The following ABCC3 variants were observed in gnomAD, a reference collection of about 807,000 sequenced individuals.
ABCC3 encodes ATP binding cassette subfamily C member 3, also known as ATP-binding cassette sub-family C member 3.
Under a neutral mutation model 165.3 loss-of-function variants are expected in ABCC3, and 121 were observed. That is an observed-to-expected ratio of 0.73 (90% CI 0.63 to 0.85). The LOEUF (loss-of-function observed/expected upper bound fraction) is 0.85. ABCC3 is among the 40% of genes least tolerant of loss of function. ABCC3 has a pLI of 0.00. For synonymous variants in ABCC3, 733 were observed against 810.1 expected (o/e 0.90, Z 1.62); for missense variants, 1,869 against 1,964.1 (o/e 0.95, Z 0.92).
chr17:50,664,486 C>T (rs868403213), intron 10 of ABCC3: 4 of 243,626 alleles, frequency 1.6e-5, no homozygotes, highest in South Asian at 1.1e-4. Flanking sequence ...GGGTGGATCA[C>T]GAGGTCAGGA....
At chr17:50,691,017 C>T (rs1968113823) in intron 30 of ABCC3, 75 bp from the exon 31 acceptor site, 1 of 1,198,718 alleles carries the variant, frequency 8.3e-7, no homozygotes, top group South Asian at 1.3e-5. Flanking sequence ...AGCAAGTACC[C>T]AGAAGAGCAG....
intron 8 of ABCC3, chr17:50,663,015 G>A: frequency 6.5e-6 from 1 of 153,286 alleles, no homozygotes; most frequent in Non-Finnish European, 1.5e-5. Flanking sequence ...GGCAGGGGCA[G>A]CCTCCGACAG....
chr17:50,676,704 G>C, intron 23 of ABCC3, 116 bp downstream of exon 23: 1 of 1,020,254 alleles, frequency 9.8e-7, no homozygotes, highest in Non-Finnish European at 1.4e-6. Flanking sequence ...AGTTTTGTTA[G>C]GGGCAGTCGT....
At chr17:50,637,062 C>T (rs978793728) in intron 1 of ABCC3, among the ~76,000 whole-genome samples, 6 of 152,192 alleles carry the variant, frequency 3.9e-5, no homozygotes, top group African/African-American at 1.4e-4. Flanking sequence ...GTGAGCTATA[C>T]ACACCTCCTC....
chr17:50,639,550 C>T (rs1487249314), intron 1 of ABCC3, among the ~76,000 whole-genome samples: 2 of 152,150 alleles, frequency 1.3e-5, no homozygotes, highest in East Asian at 3.9e-4. Context: ...CCAGAGCACC[C>T]GGACTGTATT....
intron 6 of ABCC3, 152 bp downstream of exon 6, chr17:50,658,648 G>A: frequency 1.1e-6 from 1 of 872,038 alleles, no homozygotes; most frequent in South Asian, 1.5e-5. Flanking sequence ...GGGTAGGGAA[G>A]TGGTCTGGGA....
chr17:50,670,190 C>G (rs1967617885), intron 17 of ABCC3, among the ~76,000 whole-genome samples: 1 of 152,078 alleles, frequency 6.6e-6, no homozygotes, highest in African/African-American at 2.4e-5. Context: ...TCAAGCAATT[C>G]TCGTGTCTCA....
intron 19 of ABCC3, chr17:50,674,312 G>C (rs1213933058): frequency 6.6e-6 from 1 of 151,720 alleles, no homozygotes; most frequent in African/African-American, 2.4e-5. Flanking sequence ...TGATCTGCCT[G>C]CCTCGGCCTC....
At chr17:50,655,200 G>T (rs1385005925) in intron 1 of ABCC3, among the ~76,000 whole-genome samples, 9 of 150,090 alleles carry the variant, frequency 6.0e-5, no homozygotes, top group Non-Finnish European at 1.2e-4. Flanking sequence ...GAGGTCAAGA[G>T]ATCGAGACCA....
rs772460475 is a variant in ABCC3 at position 50,669,153 on chromosome 17, G to T, written c.1951G>T (p.Val651Phe). ...CCTTGCCCCCAGCCTAGACATCCAG[G>T]TCCCGAAAGGGGCACTGGTGGCCGT... ...PPTLHSLDIQ[V>F]PKGALVAVVG... The change falls in exon 16 of 31, where the codon GTC becomes TTC. Residue 651 changes from valine (V) to phenylalanine (F), a missense_variant. Transcript: ENST00000285238. 6.3e-7 allele frequency: 1 copy of T among 1,598,878 alleles called. No homozygotes were observed. The highest frequency in any genetic ancestry group is 1.4e-5 in the African/African-American group (1 of 73,600).
rs1263210794 is a variant in ABCC3, at chr17:50,667,861, A to G, written c.1636-2A>G. ...CCCTGACACCACCTCCACGCTGCTC[A>G]GGTGACCCTGATCACCCTCTGGGTG... On this transcript the variant is annotated splice_acceptor_variant, in intron 12 of 30. Coordinates refer to ENST00000285238, the MANE Select transcript of ABCC3 (RefSeq NM_003786.4). LOFTEE classifies it high-confidence loss of function. The G allele has an allele frequency of 1.2e-6, 2 of 1,613,954 alleles. No individual in the cohort carries two copies. Among genetic ancestry groups the G allele is most frequent in the Admixed American group, 3.3e-5 (2 of 59,984 alleles).
intron 1 of ABCC3, among the ~76,000 whole-genome samples, chr17:50,638,314 G>A (rs903459160): frequency 6.6e-6 from 1 of 152,138 alleles, no homozygotes; most frequent in African/African-American, 2.4e-5. Flanking sequence ...ACACCTGTTG[G>A]CAGAATTAGC....
At chr17:50,651,371 G>T (rs1237984668) in intron 1 of ABCC3, among the ~76,000 whole-genome samples, 1 of 152,182 alleles carries the variant, frequency 6.6e-6, no homozygotes, top group Non-Finnish European at 1.5e-5. Context: ...AAACTAAATT[G>T]TTGTTTGTAC....
chr17:50,657,799 C>T (rs1423342940), intron 4 of ABCC3, among the ~76,000 whole-genome samples: 2 of 152,238 alleles, frequency 1.3e-5, no homozygotes, highest in African/African-American at 2.4e-5. Context: ...GAAAGGGCGT[C>T]ATGAGCTGTC....
intron 7 of ABCC3, among the ~76,000 whole-genome samples, chr17:50,660,664 G>A (rs530521796): frequency 1.2e-4 from 19 of 152,230 alleles, no homozygotes; most frequent in Non-Finnish European, 2.5e-4. Flanking sequence ...CTGGGGAGGC[G>A]GGGAGAGGGC....
intron 2 of ABCC3, 55 bp from the exon 3 acceptor site, chr17:50,656,647 T>C: frequency 6.4e-7 from 1 of 1,558,072 alleles, no homozygotes. Flanking sequence ...CCCTTCCCAG[T>C]GAGGACTGTC....
intron 1 of ABCC3, among the ~76,000 whole-genome samples, chr17:50,649,737 A>G (rs192887672): frequency 5.2e-4 from 79 of 151,618 alleles, no homozygotes; most frequent in Admixed American, 8.6e-4. Flanking sequence ...AGGAAGGAAG[A>G]AAGAGAGAGA....
At chr17:50,676,646 T>C (rs1344614784) in intron 23 of ABCC3, 58 bp downstream of exon 23, 8 of 460,320 alleles carry the variant, frequency 1.7e-5, no homozygotes, top group Middle Eastern at 3.7e-4. Flanking sequence ...GGGCAACACA[T>C]GGGCGGGGGC....
chr17:50,680,516 G>A (rs961218375), intron 26 of ABCC3, among the ~76,000 whole-genome samples: 4 of 152,012 alleles, frequency 2.6e-5, no homozygotes, highest in East Asian at 1.9e-4. Context: ...TATCCTGCTC[G>A]CTCTCATGCT....
Sources: allele counts gnomAD v4.1 joint callset (sites outside exome capture counted in the v4.1 genomes callset), GRCh38; gene constraint gnomAD v4.1.1; transcripts MANE v1.5; gene names NCBI Gene and HGNC (gene_info 2026-07-23, HGNC 2026-07-21).